Variants in HIVEP3 observed in about 807,000 individuals in gnomAD.
The protein encoded by HIVEP3 is transcription factor HIVEP3.
A neutral mutation model predicts 152.8 loss-of-function variants in HIVEP3; 49 were observed. That is an observed-to-expected ratio of 0.32 (90% CI 0.26 to 0.41). The LOEUF (loss-of-function observed/expected upper bound fraction) is 0.41, where lower values mean the gene tolerates loss of function less well. Ranked by LOEUF, HIVEP3 falls within the 10% of genes least tolerant of loss-of-function variation. The pLI, the probability that HIVEP3 is intolerant of heterozygous loss-of-function variation, is 1.00. For synonymous variants in HIVEP3, 1,269 were observed against 1,289.0 expected, an observed-to-expected ratio of 0.98 and a Z score of 0.33; for missense variants, 2,790 against 3,103.3, an observed-to-expected ratio of 0.90 and a Z score of 2.40.
In HIVEP3 at chr1:41,578,257, C is replaced by T. The variant is rs115666652; in HGVS notation, c.5061+1480G>A. On this transcript the variant is annotated intron_variant, in intron 4 of 8. Coordinates refer to ENST00000372583, the MANE Select transcript of HIVEP3 (RefSeq NM_024503.5). Reference sequence around the variant, plus strand: ...GTAACATTTAGCATAGTACTTGGTACATAATAGGTATCCAAAAAGTTAGCA... The same window carrying T: ...GTAACATTTAGCATAGTACTTGGTATATAATAGGTATCCAAAAAGTTAGCA... Among the ~76,000 whole-genome samples, 834 of 152,288 alleles carry T rather than the reference C, an allele frequency of 5.5e-3. 6 individuals are homozygous for T. The highest frequency in any genetic ancestry group is 0.019 in the African/African-American group (776 of 41,564).
chr1:41,836,273 C>A lies in HIVEP3; in HGVS notation c.-801+82140G>T, dbSNP rs1015013136. ...AACCAGCCAATCCAAGCAGACTGTC[C>A]CTGCTGAGCAGCTGGGAGTGTGAGA... On this transcript the variant is annotated intron_variant, in intron 1 of 8. Coordinates refer to ENST00000372583, the MANE Select transcript of HIVEP3 (RefSeq NM_024503.5). Among the ~76,000 whole-genome samples, 3 of 152,166 alleles carry A rather than the reference C, an allele frequency of 2.0e-5. No individual in the cohort carries two copies. The East Asian group carries it at 5.8e-4, about 29-fold the overall frequency.
At chr1:41,798,216 C>G (rs1650095526) in intron 1 of HIVEP3, among the ~76,000 whole-genome samples, 1 of 151,332 alleles carries the variant, frequency 6.6e-6, no homozygotes. Flanking sequence ...TGCAGCACAC[C>G]AACATGGCAC....
intron 1 of HIVEP3, among the ~76,000 whole-genome samples, chr1:41,846,366 C>T (rs1235887358): frequency 6.6e-6 from 1 of 152,236 alleles, no homozygotes; most frequent in African/African-American, 2.4e-5. Flanking sequence ...TTTGTTTCAA[C>T]TCATGAATCC....
chr1:41,889,580 C>A (rs1460816046), intron 1 of HIVEP3, among the ~76,000 whole-genome samples: 1 of 152,186 alleles, frequency 6.6e-6, no homozygotes, highest in Non-Finnish European at 1.5e-5. Flanking sequence ...GGGACTCTAG[C>A]CCTTTTAATG....
rs1357440995 is a variant in HIVEP3 at position 41,873,516 on chromosome 1, C to T, written c.-801+44897G>A. Among the ~76,000 whole-genome samples the T allele has an allele frequency of 1.3e-5, 2 of 152,208 alleles. No individual in the cohort carries two copies. The highest frequency in any genetic ancestry group is 1.3e-4 in the Admixed American group (2 of 15,272). ...AAAACCTATATGTTTACAAAACAACCACTGATCTACATTATTTCAGAGGTA... is the reference window on the plus strand; with the variant it reads ...AAAACCTATATGTTTACAAAACAACTACTGATCTACATTATTTCAGAGGTA... On this transcript the variant is annotated intron_variant, in intron 1 of 8. Coordinates refer to ENST00000372583, the MANE Select transcript of HIVEP3 (RefSeq NM_024503.5). The surrounding 1 kb of genome is among the most constrained non-coding windows in gnomAD (Gnocchi z 4.2).
At chr1:41,681,076 G>A (rs1362986223) in intron 2 of HIVEP3, among the ~76,000 whole-genome samples, 1 of 150,460 alleles carries the variant, frequency 6.6e-6, no homozygotes, top group East Asian at 1.9e-4. Context: ...TCATTCCCCA[G>A]AAGCTAAGAA....
At chr1:41,808,336 A>G (rs1033667279) in intron 1 of HIVEP3, among the ~76,000 whole-genome samples, 1 of 152,214 alleles carries the variant, frequency 6.6e-6, no homozygotes, top group Non-Finnish European at 1.5e-5. Context: ...CATCCTCTCC[A>G]CTAGGCTGCA....
intron 1 of HIVEP3, among the ~76,000 whole-genome samples, chr1:41,772,148 CA>C (rs1211120096): frequency 6.6e-6 from 1 of 152,186 alleles, no homozygotes; most frequent in Non-Finnish European, 1.5e-5. Context: ...AAAAGGCACC[CA>C]GGGTTGTGCA....
At chr1:41,591,793 G>A (rs942640704) in intron 3 of HIVEP3, among the ~76,000 whole-genome samples, 4 of 152,092 alleles carry the variant, frequency 2.6e-5, no homozygotes, top group Non-Finnish European at 5.9e-5. Flanking sequence ...AGTCACATGA[G>A]CACATTCCTG....
intron 3 of HIVEP3, among the ~76,000 whole-genome samples, chr1:41,616,108 T>G (rs1456277701): frequency 6.6e-6 from 1 of 152,030 alleles, no homozygotes; most frequent in Non-Finnish European, 1.5e-5. Context: ...TCCCAAAGCC[T>G]GTGACATGTG....
intron 3 of HIVEP3, among the ~76,000 whole-genome samples, chr1:41,621,607 T>C (rs1645048469): frequency 6.6e-6 from 1 of 152,278 alleles, no homozygotes; most frequent in Non-Finnish European, 1.5e-5. Flanking sequence ...CTCCGTCTCC[T>C]GGGCTCAAGC....
chr1:41,738,329 C>G (rs1250403911), intron 1 of HIVEP3, among the ~76,000 whole-genome samples: 1 of 152,210 alleles, frequency 6.6e-6, no homozygotes, highest in East Asian at 1.9e-4. Flanking sequence ...CCCTGGGTTT[C>G]TCAATCCAGG....
intron 2 of HIVEP3, among the ~76,000 whole-genome samples, chr1:41,643,258 T>C (rs1404592304): frequency 6.6e-6 from 1 of 152,348 alleles, no homozygotes; most frequent in East Asian, 1.9e-4. Context: ...CCTAGGAAGG[T>C]GCTGGAGTGT....
chr1:41,605,564 A>G (rs138692447), intron 3 of HIVEP3, among the ~76,000 whole-genome samples: 81 of 152,244 alleles, frequency 5.3e-4, no homozygotes, highest in African/African-American at 1.7e-3. Flanking sequence ...AACCAAAAAG[A>G]TAATAAGGGG....
chr1:41,629,597 A>G (rs1358611488), intron 2 of HIVEP3, among the ~76,000 whole-genome samples: 2 of 152,236 alleles, frequency 1.3e-5, no homozygotes, highest in African/African-American at 4.8e-5. Flanking sequence ...AAATAATCCC[A>G]TTAAAAAGTA....
upstream of HIVEP3, among the ~76,000 whole-genome samples, chr1:41,920,384 C>G (rs1644931843): frequency 6.6e-6 from 1 of 152,164 alleles, no homozygotes; most frequent in South Asian, 2.1e-4. Flanking sequence ...TCCATCTACC[C>G]AGCCCCCCGG....
intron 1 of HIVEP3, among the ~76,000 whole-genome samples, chr1:41,973,332 G>A (rs535043813): frequency 1.5e-4 from 23 of 152,310 alleles, no homozygotes; most frequent in Non-Finnish European, 2.6e-4. Flanking sequence ...TTGGCCCTGA[G>A]ACTCTCACAA....
chr1:41,624,390 C>A (rs1558124942), intron 3 of HIVEP3, among the ~76,000 whole-genome samples: 1 of 152,204 alleles, frequency 6.6e-6, no homozygotes, highest in Non-Finnish European at 1.5e-5. Flanking sequence ...TTCAAACATG[C>A]TCTATAGCAC....
intron 8 of HIVEP3, 110 bp downstream of exon 8, chr1:41,512,706 T>G (rs1201977544): frequency 3.5e-6 from 3 of 863,416 alleles, no homozygotes; most frequent in African/African-American, 3.4e-5. Flanking sequence ...TAATAACTAC[T>G]GAGCTGGCAG....
Sources: gnomAD v4.1 joint callset for allele counts (sites outside exome capture counted in the v4.1 genomes callset) on GRCh38, gnomAD v4.1.1 for gene constraint, Gnocchi (gnomAD v3.1) non-coding constraint, MANE v1.5 for transcripts, NCBI Gene and HGNC (gene_info 2026-07-23, HGNC 2026-07-21) for gene names.